NMNAT2: variants seen among roughly 807,000 people sequenced by gnomAD.
The protein encoded by NMNAT2 is nicotinamide/nicotinic acid mononucleotide adenylyltransferase 2.
NMNAT2 carries 11 observed loss-of-function variants against 41.6 expected under a neutral mutation model. That is an observed-to-expected ratio of 0.26 (90% CI 0.17 to 0.44). The LOEUF (loss-of-function observed/expected upper bound fraction) is 0.44, where lower values mean the gene tolerates loss of function less well. NMNAT2 is among the 20% of genes least tolerant of loss of function. The pLI is 1.00. For missense variants in NMNAT2, 288 were observed against 407.7 expected (o/e 0.71, Z 2.53); for synonymous variants, 148 against 151.2 (o/e 0.98, Z 0.16).
At chr1:183,367,880 T>C (rs1663448623) in intron 1 of NMNAT2, among the ~76,000 whole-genome samples, 1 of 152,210 alleles carries the variant, frequency 6.6e-6, no homozygotes, top group African/African-American at 2.4e-5. Flanking sequence ...CCATTTTAGA[T>C]ACCAGAGGTC....
intron 1 of NMNAT2, among the ~76,000 whole-genome samples, chr1:183,391,781 G>A (rs934361470): frequency 2.0e-5 from 3 of 152,108 alleles, no homozygotes; most frequent in Non-Finnish European, 4.4e-5. Flanking sequence ...ACTTCTCTGT[G>A]CTCACCTTAC....
At chr1:183,368,597 C>T (rs1663463840) in intron 1 of NMNAT2, among the ~76,000 whole-genome samples, 1 of 152,176 alleles carries the variant, frequency 6.6e-6, no homozygotes, top group Non-Finnish European at 1.5e-5. Flanking sequence ...TCTGTCTTCC[C>T]TCCTCTGTCC....
chr1:183,352,596 G>A (rs932762394), intron 1 of NMNAT2, among the ~76,000 whole-genome samples: 19 of 148,692 alleles, frequency 1.3e-4, no homozygotes, highest in Admixed American at 4.7e-4. Context: ...AGAGATTTGT[G>A]AGTGAGAATT....
At chr1:183,378,057 C>T (rs182552585) in intron 1 of NMNAT2, among the ~76,000 whole-genome samples, 293 of 152,134 alleles carry the variant, frequency 1.9e-3, no homozygotes, top group Non-Finnish European at 3.7e-3. Context: ...ATAGAAATTA[C>T]CAAAATTGAA....
intron 1 of NMNAT2, among the ~76,000 whole-genome samples, chr1:183,303,807 G>T (rs1347488743): frequency 1.3e-5 from 2 of 152,224 alleles, no homozygotes; most frequent in African/African-American, 4.8e-5. Context: ...TGGGACCACA[G>T]GAGCCTACCA....
intron 6 of NMNAT2, 108 bp downstream of exon 6, chr1:183,284,602 C>T (rs533406965): frequency 1.8e-5 from 17 of 930,788 alleles, no homozygotes; most frequent in East Asian, 2.4e-5. Flanking sequence ...CACACAATCA[C>T]GGGAATTTGC....
intron 1 of NMNAT2, among the ~76,000 whole-genome samples, chr1:183,311,570 C>G (rs1662119854): frequency 5.3e-5 from 8 of 152,116 alleles, no homozygotes; most frequent in Admixed American, 5.2e-4. Context: ...CTGCCTACCA[C>G]TTCTCAGGGG....
chr1:183,338,424 A>G (rs908560623), intron 1 of NMNAT2, among the ~76,000 whole-genome samples: 15 of 152,278 alleles, frequency 9.9e-5, no homozygotes, highest in African/African-American at 3.4e-4. Flanking sequence ...AGGAGTTTCT[A>G]TTTAAAAACC....
chr1:183,308,300 C>G (rs1322113396), intron 1 of NMNAT2, among the ~76,000 whole-genome samples: 1 of 152,164 alleles, frequency 6.6e-6, no homozygotes, highest in African/African-American at 2.4e-5. Context: ...TAAAATGACA[C>G]TGATTAGTGC....
In NMNAT2 at chr1:183,388,264, G is replaced by T. The variant is rs937409735; in HGVS notation, c.85+29919C>A. Among the ~76,000 whole-genome samples the T allele has an allele frequency of 8.6e-4, 131 of 152,090 alleles. 1 individual carries two copies. The highest frequency in any genetic ancestry group is 8.5e-3 in the Admixed American group (130 of 15,246). On this transcript the variant is annotated intron_variant, in intron 1 of 10. Transcript: ENST00000287713. ...CAGGAAGACAGCCTGGTAAACTGAAGAATATGGAGGCGCACACATTTATTT... is the reference window on the plus strand; with the variant it reads ...CAGGAAGACAGCCTGGTAAACTGAATAATATGGAGGCGCACACATTTATTT...
intron 1 of NMNAT2, among the ~76,000 whole-genome samples, chr1:183,299,828 T>C (rs1279196239): frequency 6.6e-6 from 1 of 152,208 alleles, no homozygotes; most frequent in African/African-American, 2.4e-5. Context: ...TCTACCCTTT[T>C]GATAAGATAA....
intron 1 of NMNAT2, among the ~76,000 whole-genome samples, chr1:183,317,841 C>T (rs1662284947): frequency 6.6e-6 from 1 of 152,132 alleles, no homozygotes; most frequent in African/African-American, 2.4e-5. Flanking sequence ...ATGACAGGGG[C>T]TATTCAAAGA....
At chr1:183,335,152 GAA>G (rs1428543303) in intron 1 of NMNAT2, among the ~76,000 whole-genome samples, 2 of 152,184 alleles carry the variant, frequency 1.3e-5, no homozygotes, top group Non-Finnish European at 2.9e-5. Context: ...GGGCTTCTGT[GAA>G]AAGTCACCGA....
intron 1 of NMNAT2, among the ~76,000 whole-genome samples, chr1:183,327,239 C>T (rs1264985631): frequency 6.6e-6 from 1 of 151,998 alleles, no homozygotes; most frequent in African/African-American, 2.4e-5. Flanking sequence ...TTAGTAGAGA[C>T]AGCTGGTCTC....
chr1:183,348,187 A>T (rs1352031672), intron 1 of NMNAT2, among the ~76,000 whole-genome samples: 1 of 152,154 alleles, frequency 6.6e-6, no homozygotes, highest in Non-Finnish European at 1.5e-5. Flanking sequence ...TAGTTAAAAC[A>T]GTCAACCCAG....
chr1:183,401,508 G>A (rs1486690827), intron 1 of NMNAT2, among the ~76,000 whole-genome samples: 5 of 152,204 alleles, frequency 3.3e-5, no homozygotes, highest in Non-Finnish European at 4.4e-5. Flanking sequence ...ACAGTGTGGC[G>A]ATTCCTGAAG....
At chr1:183,389,599 G>A (rs1234544697) in intron 1 of NMNAT2, among the ~76,000 whole-genome samples, 4 of 151,454 alleles carry the variant, frequency 2.6e-5, no homozygotes, top group Non-Finnish European at 5.9e-5. Context: ...AGCAGGGCAG[G>A]GGGGCACATG....
chr1:183,280,154 C>T (rs1661221198), intron 7 of NMNAT2, among the ~76,000 whole-genome samples: 1 of 152,168 alleles, frequency 6.6e-6, no homozygotes, highest in Non-Finnish European at 1.5e-5. Flanking sequence ...AGGAACCACA[C>T]TTGGTATTGC....
At chr1:183,257,107 G>A (rs1284635926) in intron 10 of NMNAT2, among the ~76,000 whole-genome samples, 1 of 152,006 alleles carries the variant, frequency 6.6e-6, no homozygotes, top group Non-Finnish European at 1.5e-5. Flanking sequence ...CTCGTAGAAT[G>A]TGCTAGGAGG....
Sources: gnomAD v4.1 joint callset for allele counts (sites outside exome capture counted in the v4.1 genomes callset) on GRCh38, gnomAD v4.1.1 for gene constraint, MANE v1.5 for transcripts, NCBI Gene and HGNC (gene_info 2026-07-23, HGNC 2026-07-21) for gene names.